SBF2: variants seen among roughly 807,000 people sequenced by gnomAD.
The protein encoded by SBF2 is myotubularin-related protein 13.
In SBF2, 112 loss-of-function variants were observed where a neutral mutation model predicts 225.2. The observed-to-expected ratio is 0.50, with a 90% CI of 0.43 to 0.58. The LOEUF (loss-of-function observed/expected upper bound fraction) is 0.58. SBF2 is among the 20% of genes least tolerant of loss of function. The pLI is 0.00. For synonymous variants in SBF2, 763 were observed against 773.3 expected, an observed-to-expected ratio of 0.99 and a Z score of 0.22; for missense variants, 1,996 against 2,206.2, an observed-to-expected ratio of 0.90 and a Z score of 1.91.
At position 9,961,984 on chromosome 11, in the gene SBF2, T is replaced by C; in HGVS notation, c.1833A>G (p.Ile611Met). Residue 611 changes from isoleucine to methionine, a missense_variant, in exon 16 of 40, where the codon ATA becomes ATG. By Grantham distance (10) the Ile-to-Met change is conservative. Transcript: ENST00000256190. ...GTAGAGTACAATTCATCATCCTTATTATGTAGTCAAACTGTTGATGGTCTA... is the reference window on the plus strand; with the variant it reads ...GTAGAGTACAATTCATCATCCTTATCATGTAGTCAAACTGTTGATGGTCTA... ...AILDHQQFDY[I>M]IRMMNCTLQD... 6.2e-7 allele frequency: 1 copy of C among 1,613,948 alleles called. No homozygotes were observed. Among genetic ancestry groups the C allele is most frequent in the South Asian group, 1.1e-5 (1 of 91,074 alleles).
intron 1 of SBF2, among the ~76,000 whole-genome samples, chr11:10,215,606 G>C (rs1325989785): frequency 6.6e-6 from 1 of 152,128 alleles, no homozygotes; most frequent in African/African-American, 2.4e-5. Flanking sequence ...CTGGGTGATA[G>C]AGCAAGACCT....
intron 31 of SBF2, chr11:9,808,431 C>A: frequency 1.8e-6 from 1 of 550,624 alleles, no homozygotes; most frequent in Non-Finnish European, 3.2e-6. Flanking sequence ...CCTTAACTGG[C>A]CAGTTTGCTG....
At chr11:9,794,974 A>G (rs1177250906) in intron 33 of SBF2, among the ~76,000 whole-genome samples, 1 of 152,200 alleles carries the variant, frequency 6.6e-6, no homozygotes, top group East Asian at 1.9e-4. Context: ...AACTGAGAAC[A>G]TCAGTAAATA....
intron 1 of SBF2, among the ~76,000 whole-genome samples, chr11:10,270,994 CAAAAAAAAAA>C (rs1180184303): frequency 3.0e-3 from 82 of 27,684 alleles, no homozygotes; most frequent in African/African-American, 9.1e-3. Context: ...GACTCTGTCT[CAAAAAAAAAA>C]AAAAAAAAAA....
intron 2 of SBF2, among the ~76,000 whole-genome samples, chr11:10,102,094 A>C (rs1395708877): frequency 6.6e-6 from 1 of 152,250 alleles, no homozygotes; most frequent in African/African-American, 2.4e-5. Context: ...TACTGGTAAA[A>C]TTAAAAGTCC....
At chr11:10,186,552 A>C (rs1956940327) in intron 2 of SBF2, among the ~76,000 whole-genome samples, 1 of 152,144 alleles carries the variant, frequency 6.6e-6, no homozygotes, top group Non-Finnish European at 1.5e-5. Flanking sequence ...AAACAATCAA[A>C]AAAAATGTGT....
chr11:9,980,179 C>G (rs941293794), intron 13 of SBF2, among the ~76,000 whole-genome samples: 1 of 151,566 alleles, frequency 6.6e-6, no homozygotes, highest in African/African-American at 2.4e-5. Context: ...CGGGATTTCA[C>G]CATGTTGGCC....
At chr11:10,040,027 A>G (rs763970054) in intron 3 of SBF2, among the ~76,000 whole-genome samples, 5 of 151,968 alleles carry the variant, frequency 3.3e-5, no homozygotes, top group Non-Finnish European at 7.4e-5. Context: ...ACTGCTAAAA[A>G]TAGAGGGAGT....
At chr11:9,968,131 A>C (rs1281169156) in intron 14 of SBF2, among the ~76,000 whole-genome samples, 1 of 152,084 alleles carries the variant, frequency 6.6e-6, no homozygotes, top group African/African-American at 2.4e-5. Context: ...TATTAAAAAA[A>C]GAAAAGATTC....
At chr11:10,196,074 A>G (rs1253266126) in intron 1 of SBF2, among the ~76,000 whole-genome samples, 1 of 152,226 alleles carries the variant, frequency 6.6e-6, no homozygotes, top group Non-Finnish European at 1.5e-5. Context: ...TGTTATCGTA[A>G]GCTCAATGAT....
At chr11:10,262,437 T>C (rs1444236774) in intron 1 of SBF2, among the ~76,000 whole-genome samples, 1 of 152,158 alleles carries the variant, frequency 6.6e-6, no homozygotes, top group Admixed American at 6.5e-5. Context: ...CCATGAGCCC[T>C]TTCCTGTCAC....
intron 1 of SBF2, among the ~76,000 whole-genome samples, chr11:10,224,305 TA>T (rs2135414525): frequency 6.6e-6 from 1 of 152,258 alleles, no homozygotes; most frequent in East Asian, 1.9e-4. Flanking sequence ...TTTGAATGCA[TA>T]CATTTCCCTC....
chr11:9,959,520 C>T lies in SBF2; in HGVS notation c.1860+2437G>A. Reference sequence around the variant, plus strand: ...GATTGCACTTGAAAACTTCACAGAACACCAGCTTGTGGAGGTCCTTGTGGA... The same window carrying T: ...GATTGCACTTGAAAACTTCACAGAATACCAGCTTGTGGAGGTCCTTGTGGA... On this transcript the variant is annotated intron_variant, in intron 16 of 39. Coordinates refer to ENST00000256190, the MANE Select transcript of SBF2 (RefSeq NM_030962.4). 3.7e-6 allele frequency: 3 copies of T among 805,048 alleles called. No individual in the cohort carries two copies. The South Asian group carries it at 4.0e-5, about 11-fold the overall frequency. The allele number at this position is 805,048 out of a possible 1,614,324, so 49.9% of individuals were successfully genotyped here. A position where few individuals can be genotyped will look rare whatever the true frequency, so the allele number is the denominator to read the frequency against.
At chr11:10,286,531 T>C (rs1963806552) in intron 1 of SBF2, among the ~76,000 whole-genome samples, 2 of 152,126 alleles carry the variant, frequency 1.3e-5, no homozygotes, top group Admixed American at 6.6e-5. Context: ...AGCTAATTTT[T>C]GTATTTTTAG....
rs556075536 is a variant in SBF2, at chr11:10,181,609, G to C, written c.141+12293C>G. Among the ~76,000 whole-genome samples, 5 of 152,056 alleles carry C rather than the reference G, an allele frequency of 3.3e-5. No individual in the cohort carries two copies. In the East Asian group the frequency reaches 9.7e-4, roughly 29 times the overall value. Reference sequence around the variant, plus strand: ...CTATGAAATTGTGACTCCCTTTTTAGCTTTCATTACATTTCAAAAGAGGTC... The same window carrying C: ...CTATGAAATTGTGACTCCCTTTTTACCTTTCATTACATTTCAAAAGAGGTC... On this transcript the variant is annotated intron_variant, in intron 2 of 39. Coordinates refer to ENST00000256190, the MANE Select transcript of SBF2 (RefSeq NM_030962.4).
chr11:10,267,638 A>G (rs1290914476), intron 1 of SBF2, among the ~76,000 whole-genome samples: 2 of 151,522 alleles, frequency 1.3e-5, no homozygotes, highest in East Asian at 3.9e-4. Context: ...CTTGGAATAT[A>G]GATGGGATGG....
At chr11:10,192,510 C>A (rs895600055) in intron 2 of SBF2, among the ~76,000 whole-genome samples, 1 of 152,082 alleles carries the variant, frequency 6.6e-6, no homozygotes, top group Non-Finnish European at 1.5e-5. Context: ...GGGTAAGGTG[C>A]TGAGATATGT....
At chr11:9,784,708 A>G (rs544154850) in intron 37 of SBF2, among the ~76,000 whole-genome samples, 1 of 152,340 alleles carries the variant, frequency 6.6e-6, no homozygotes, top group East Asian at 1.9e-4. Flanking sequence ...GAGAGGGCAA[A>G]GCAGAGCCAG....
intron 3 of SBF2, among the ~76,000 whole-genome samples, chr11:10,037,324 C>G (rs753407177): frequency 7.9e-5 from 12 of 152,132 alleles, no homozygotes; most frequent in Non-Finnish European, 1.8e-4. Context: ...TTATGTTACG[C>G]ATGCTAGTTT....
Sources: gnomAD v4.1 joint callset for allele counts (sites outside exome capture counted in the v4.1 genomes callset) on GRCh38, gnomAD v4.1.1 for gene constraint, MANE v1.5 for transcripts, NCBI Gene and HGNC (gene_info 2026-07-23, HGNC 2026-07-21) for gene names.